The following SH3BGRL2 variants were observed in gnomAD, a reference collection of about 807,000 sequenced individuals.
The protein encoded by SH3BGRL2 is SH3 domain binding glutamate rich protein like 2, also known as SH3 domain-binding glutamic acid-rich-like protein 2.
Under a neutral mutation model 14.8 loss-of-function variants are expected in SH3BGRL2, and 21 were observed. The observed-to-expected ratio is 1.42, with a 90% CI of 1.01 to 2.05. The LOEUF is 2.05. Among genes scored for constraint, SH3BGRL2 ranks in the 30% most tolerant of loss-of-function variants. SH3BGRL2 has a pLI of 0.00. For missense variants in SH3BGRL2, 147 were observed against 130.8 expected (o/e 1.12, Z -0.61); for synonymous variants, 50 against 47.8 (o/e 1.05, Z -0.19).
intron 1 of SH3BGRL2, among the ~76,000 whole-genome samples, chr6:79,634,887 G>T (rs1768893767): frequency 6.6e-6 from 1 of 152,166 alleles, no homozygotes; most frequent in African/African-American, 2.4e-5. Context: ...TAGGCAGATG[G>T]CAGGGAGAGG....
At chr6:79,671,640 C>T (rs1769775091) in intron 1 of SH3BGRL2, among the ~76,000 whole-genome samples, 1 of 152,178 alleles carries the variant, frequency 6.6e-6, no homozygotes, top group South Asian at 2.1e-4. Context: ...TATGTTATGG[C>T]TATTTGGACT....
At chr6:79,654,338 G>T (rs745808564) in intron 1 of SH3BGRL2, among the ~76,000 whole-genome samples, 4 of 152,148 alleles carry the variant, frequency 2.6e-5, no homozygotes, top group Non-Finnish European at 5.9e-5. Context: ...GAATTTTCCA[G>T]TCCTTTCCAG....
At chr6:79,560,344 AG>A in the SH3BGRL2 span, among the ~76,000 whole-genome samples, 1 of 152,244 alleles carries the variant, frequency 6.6e-6, no homozygotes, top group African/African-American at 2.4e-5. Flanking sequence ...TAGTAACAGT[AG>A]AGTTATTGAA....
chr6:79,688,178 AG>A lies in SH3BGRL2; in HGVS notation c.232-8306del, dbSNP rs201274036. Among the ~76,000 whole-genome samples the A allele has an allele frequency of 3.6e-4, 54 of 151,958 alleles. No homozygotes were observed. The East Asian group carries it at 9.1e-3, about 26-fold the overall frequency. On this transcript the variant is annotated intron_variant, in intron 2 of 3. Coordinates refer to ENST00000369838, the MANE Select transcript of SH3BGRL2 (RefSeq NM_031469.4). ...TGGTTTTCACTTGAACATAAACAGAAGTATAGGTGATGAGAGATTTAAAAAA... is the reference window on the plus strand; with the variant it reads ...TGGTTTTCACTTGAACATAAACAGAATATAGGTGATGAGAGATTTAAAAAA...
intron 2 of SH3BGRL2, among the ~76,000 whole-genome samples, chr6:79,685,100 A>G (rs1770066037): frequency 6.6e-6 from 1 of 152,030 alleles, no homozygotes; most frequent in Non-Finnish European, 1.5e-5. Context: ...TTAATCTCCT[A>G]TTTTCACCTT....
At chr6:79,684,379 C>T (rs567429180) in intron 2 of SH3BGRL2, among the ~76,000 whole-genome samples, 11 of 152,094 alleles carry the variant, frequency 7.2e-5, no homozygotes, top group Admixed American at 6.5e-4. Context: ...ATATTTATCT[C>T]ATAGGTTTTT....
chr6:79,658,444 C>A (rs1769469502), intron 1 of SH3BGRL2, among the ~76,000 whole-genome samples: 1 of 152,216 alleles, frequency 6.6e-6, no homozygotes, highest in Non-Finnish European at 1.5e-5. Context: ...TTTCCAGCTT[C>A]ATCCATGTCC....
chr6:79,694,879 T>C (rs1582741729), intron 2 of SH3BGRL2, among the ~76,000 whole-genome samples: 1 of 152,240 alleles, frequency 6.6e-6, no homozygotes, highest in East Asian at 1.9e-4. Flanking sequence ...CTCCCCTTTT[T>C]CCCCTCCTTT....
At chr6:79,664,786 A>G (rs528180403) in intron 1 of SH3BGRL2, among the ~76,000 whole-genome samples, 2 of 152,380 alleles carry the variant, frequency 1.3e-5, no homozygotes, top group African/African-American at 2.4e-5. Flanking sequence ...ATGTTACATT[A>G]AAACAATTCA....
chr6:79,560,941 C>T, the SH3BGRL2 span, among the ~76,000 whole-genome samples: 4 of 116,808 alleles, frequency 3.4e-5, no homozygotes, highest in African/African-American at 6.6e-5. Context: ...AGTGCAATGG[C>T]GTGATCTCAG....
At chr6:79,539,307 G>T in the SH3BGRL2 span, among the ~76,000 whole-genome samples, 7 of 152,298 alleles carry the variant, frequency 4.6e-5, no homozygotes, top group East Asian at 1.2e-3. Flanking sequence ...GATAGGGCTA[G>T]AATTTTCTAA....
intron 2 of SH3BGRL2, among the ~76,000 whole-genome samples, chr6:79,685,864 T>G (rs1441645656): frequency 6.6e-6 from 1 of 152,204 alleles, no homozygotes; most frequent in African/African-American, 2.4e-5. Context: ...TTCTTCCACT[T>G]CACACTTGTC....
chr6:79,684,589 C>CCTTG (rs1458416686), intron 2 of SH3BGRL2, among the ~76,000 whole-genome samples: 1 of 152,102 alleles, frequency 6.6e-6, no homozygotes, highest in Non-Finnish European at 1.5e-5. Flanking sequence ...TTGGGACATG[C>CCTTG]CTTGTCAAGG....
intron 2 of SH3BGRL2, among the ~76,000 whole-genome samples, chr6:79,684,338 A>G (rs1770051231): frequency 6.6e-6 from 1 of 152,076 alleles, no homozygotes; most frequent in African/African-American, 2.4e-5. Context: ...CCTCATGCCC[A>G]GCAAACTTGT....
the SH3BGRL2 span, among the ~76,000 whole-genome samples, chr6:79,538,018 GTTTTTTTTTTTTTTTTTTTTTTTTT>G: frequency 2.3e-5 from 1 of 44,146 alleles, no homozygotes; most frequent in African/African-American, 7.8e-5. Flanking sequence ...TTGCACACAA[GTTTTTTTTTTTTTTTTTTTTTTTTT>G]TTTTTTTTTT....
chr6:79,597,317 G>GAGAAA, the SH3BGRL2 span, among the ~76,000 whole-genome samples: 30,183 of 144,386 alleles, frequency 0.21, 3,428 homozygotes, highest in African/African-American at 0.26. Flanking sequence ...AAGAAAGAAA[G>GAGAAA]AGAAAAGAAA....
the SH3BGRL2 span, among the ~76,000 whole-genome samples, chr6:79,621,391 C>G: frequency 6.6e-6 from 1 of 152,190 alleles, no homozygotes; most frequent in African/African-American, 2.4e-5. Flanking sequence ...ACCTGGAGAG[C>G]TATCTAGCCC....
At chr6:79,555,090 C>A in the SH3BGRL2 span, among the ~76,000 whole-genome samples, 6 of 152,036 alleles carry the variant, frequency 3.9e-5, no homozygotes, top group Admixed American at 3.9e-4. Context: ...TTTAAAGGTG[C>A]TAAGTCATCC....
chr6:79,663,440 C>T (rs1769594131), intron 1 of SH3BGRL2, among the ~76,000 whole-genome samples: 1 of 152,188 alleles, frequency 6.6e-6, no homozygotes, highest in African/African-American at 2.4e-5. Context: ...GCTGGAGGTC[C>T]ACTCCAGACC....
Sources: allele counts gnomAD v4.1 joint callset (sites outside exome capture counted in the v4.1 genomes callset), GRCh38; gene constraint gnomAD v4.1.1; transcripts MANE v1.5; gene names NCBI Gene and HGNC (gene_info 2026-07-23, HGNC 2026-07-21).